Variants in TRIM37 observed in about 807,000 individuals in gnomAD.
TRIM37 encodes the protein E3 ubiquitin-protein ligase TRIM37.
A neutral mutation model predicts 129.8 loss-of-function variants in TRIM37; 80 were observed. That is an observed-to-expected ratio of 0.62 (90% confidence interval 0.51 to 0.74). TRIM37 has a LOEUF of 0.74. TRIM37 is among the 30% of genes least tolerant of loss of function. The pLI is 0.00. For missense variants in TRIM37, 1,054 were observed against 1,176.5 expected, an observed-to-expected ratio of 0.90 and a Z score of 1.52; for synonymous variants, 389 against 387.1, an observed-to-expected ratio of 1.00 and a Z score of -0.06.
At chr17:59,095,371 G>A (rs2044751406) in intron 2 of TRIM37, among the ~76,000 whole-genome samples, 2 of 152,050 alleles carry the variant, frequency 1.3e-5, no homozygotes, top group Non-Finnish European at 2.9e-5. Context: ...AGGTTCATTG[G>A]ATTTAGCAAA....
At chr17:59,089,696 T>C (rs1037765506) in intron 3 of TRIM37, among the ~76,000 whole-genome samples, 12 of 152,114 alleles carry the variant, frequency 7.9e-5, no homozygotes, top group Non-Finnish European at 1.5e-4. Context: ...ACATTTCAAG[T>C]GATCGACAGC....
rs147240251 is a variant in TRIM37 at position 59,058,240 on chromosome 17, T to C, written c.1020-1186A>G. 1.4e-4 allele frequency among the ~76,000 whole-genome samples: 22 copies of C among 152,346 alleles called. No individual in the cohort carries two copies. The East Asian group carries it at 3.3e-3, about 23-fold the overall frequency. ...ATGTTTTTTGTGCAACATGGATGGA[T>C]GGAGCTGGAGGCTATTATCCTCAGC... On this transcript the variant is annotated intron_variant, in intron 12 of 23. Coordinates refer to ENST00000262294, the MANE Select transcript of TRIM37 (RefSeq NM_015294.6).
At chr17:59,105,779 C>G (rs2045936379) in intron 1 of TRIM37, among the ~76,000 whole-genome samples, 1 of 152,078 alleles carries the variant, frequency 6.6e-6, no homozygotes, top group Admixed American at 6.6e-5. Context: ...CATAGTTACC[C>G]CTTACTAAAA....
At chr17:59,090,543 A>G (rs1429740827) in intron 3 of TRIM37, among the ~76,000 whole-genome samples, 1 of 152,158 alleles carries the variant, frequency 6.6e-6, no homozygotes, top group Non-Finnish European at 1.5e-5. Context: ...TATCAGAATC[A>G]GAAGGCTTTT....
intron 2 of TRIM37, among the ~76,000 whole-genome samples, chr17:59,100,306 A>G (rs1055702577): frequency 1.3e-5 from 2 of 152,238 alleles, no homozygotes; most frequent in Admixed American, 6.5e-5. Context: ...GAATGTTCGC[A>G]GCAATTTTCA....
At chr17:59,095,267 T>C (rs1043718675) in intron 2 of TRIM37, among the ~76,000 whole-genome samples, 7 of 152,006 alleles carry the variant, frequency 4.6e-5, no homozygotes, top group African/African-American at 1.7e-4. Context: ...ATGGTATAGC[T>C]ATTATGGCAA....
In TRIM37 at chr17:59,042,142, T is replaced by A. The variant is rs568887053; in HGVS notation, c.1668-244A>T. On this transcript the variant is annotated intron_variant, in intron 16 of 23. Coordinates refer to ENST00000262294, the MANE Select transcript of TRIM37 (RefSeq NM_015294.6). Reference sequence around the variant, plus strand: ...CTGTAATCCCAGCACTTTGGGAGGCTGAGGCAGGCGGATCACGAGGTCAGG... The same window carrying A: ...CTGTAATCCCAGCACTTTGGGAGGCAGAGGCAGGCGGATCACGAGGTCAGG... Among the ~76,000 whole-genome samples, 20 of 151,812 alleles carry A rather than the reference T, an allele frequency of 1.3e-4. No homozygotes were observed. The East Asian group carries it at 3.7e-3, about 28-fold the overall frequency.
chr17:58,996,269 G>C (rs567271020), downstream of TRIM37, among the ~76,000 whole-genome samples: 15 of 151,522 alleles, frequency 9.9e-5, no homozygotes, highest in Admixed American at 3.3e-4. Context: ...GTCAGAGTTC[G>C]AGACCAGCCT....
chr17:59,093,540 C>T (rs776303187), intron 2 of TRIM37, among the ~76,000 whole-genome samples: 1 of 152,188 alleles, frequency 6.6e-6, no homozygotes, highest in Non-Finnish European at 1.5e-5. Context: ...AATTGCCATG[C>T]TCTACCACAG....
At chr17:59,074,045 A>G (rs748802264) in intron 8 of TRIM37, among the ~76,000 whole-genome samples, 7 of 152,244 alleles carry the variant, frequency 4.6e-5, no homozygotes, top group Non-Finnish European at 7.3e-5. Flanking sequence ...AGTATTATAT[A>G]CCATACATAA....
chr17:59,102,656 C>CT, intron 2 of TRIM37, among the ~76,000 whole-genome samples: 1 of 152,256 alleles, frequency 6.6e-6, no homozygotes, highest in East Asian at 1.9e-4. Flanking sequence ...GAGTGAATCT[C>CT]TTAGTTTTAG....
chr17:59,070,953 T>C lies in TRIM37; in HGVS notation c.685-6A>G. On this transcript the variant is annotated splice_polypyrimidine_tract_variant and splice_region_variant and intron_variant, in intron 8 of 23. Transcript: ENST00000262294. Reference sequence around the variant, plus strand: ...CTCTTACTACAAGACCGCAACTGTGTGAGGAAAAAAATTATCTGAACAAAC... The same window carrying C: ...CTCTTACTACAAGACCGCAACTGTGCGAGGAAAAAAATTATCTGAACAAAC... 6.2e-7 allele frequency: 1 copy of C among 1,612,964 alleles called. No homozygotes were observed. Among genetic ancestry groups the C allele is most frequent in the Non-Finnish European group, 8.5e-7 (1 of 1,179,728 alleles).
At chr17:59,050,299 T>A (rs1363749829) in intron 14 of TRIM37, among the ~76,000 whole-genome samples, 1 of 152,188 alleles carries the variant, frequency 6.6e-6, no homozygotes, top group Non-Finnish European at 1.5e-5. Flanking sequence ...TCAAAACAAC[T>A]TTATGCAATG....
At position 58,998,642 on chromosome 17, in the gene TRIM37, AG is replaced by A; in HGVS notation, c.*734del. On this transcript the variant is annotated 3_prime_UTR_variant, in exon 24 of 24. Coordinates refer to ENST00000262294, the MANE Select transcript of TRIM37 (RefSeq NM_015294.6). ...AATATTTGTTGCACTACAGTCGTAT[AG>A]TAAGAGGCAGAAAAAAATGAAAGAA... 1.0e-6 allele frequency: 1 copy of A among 985,376 alleles called. No homozygotes were observed. The highest frequency in any genetic ancestry group is 1.2e-6 in the Non-Finnish European group (1 of 829,846). 61.0% of individuals were successfully genotyped at this position (985,376 alleles called of 1,614,324 possible). A position where few individuals can be genotyped will look rare whatever the true frequency, so the allele number is the denominator to read the frequency against.
At chr17:59,031,336 C>T (rs1178495946) in intron 18 of TRIM37, among the ~76,000 whole-genome samples, 5 of 152,132 alleles carry the variant, frequency 3.3e-5, no homozygotes, top group East Asian at 1.9e-4. Context: ...CTTTTAAAGG[C>T]AAATACTTAG....
the TRIM37 span, among the ~76,000 whole-genome samples, chr17:58,968,564 G>A: frequency 6.6e-6 from 1 of 152,178 alleles, no homozygotes; most frequent in Non-Finnish European, 1.5e-5. Flanking sequence ...AAGAATCAAT[G>A]ACAGGCCTGG....
chr17:59,076,410 G>A (rs1471845353), intron 7 of TRIM37, among the ~76,000 whole-genome samples: 1 of 152,188 alleles, frequency 6.6e-6, no homozygotes, highest in Non-Finnish European at 1.5e-5. Flanking sequence ...GAGTGGTGGT[G>A]CATGCCTGCA....
intron 9 of TRIM37, among the ~76,000 whole-genome samples, chr17:59,067,691 C>A (rs770029309): frequency 6.6e-6 from 1 of 152,136 alleles, no homozygotes; most frequent in Non-Finnish European, 1.5e-5. Context: ...CATGCACCAC[C>A]ACACCCGGCT....
At position 59,106,598 on chromosome 17, in the gene TRIM37, C is replaced by G; in HGVS notation, c.-137G>C. 1 of 1,006,762 alleles carries G rather than the reference C, an allele frequency of 9.9e-7. No homozygotes were observed. Among genetic ancestry groups the G allele is most frequent in the Non-Finnish European group, 1.5e-6 (1 of 659,392 alleles). 62.4% of individuals were successfully genotyped at this position (1,006,762 alleles called of 1,614,324 possible). On this transcript the variant is annotated 5_prime_UTR_variant, in exon 1 of 24. Coordinates refer to ENST00000262294, the MANE Select transcript of TRIM37 (RefSeq NM_015294.6). Reference sequence around the variant, plus strand: ...CGTCAGGGGGCTCTGACAACCGCCCCACCTGCGCGCCCCATCTCTTCAGGT... The same window carrying G: ...CGTCAGGGGGCTCTGACAACCGCCCGACCTGCGCGCCCCATCTCTTCAGGT...
Sources: gnomAD v4.1 joint callset for allele counts (sites outside exome capture counted in the v4.1 genomes callset) on GRCh38, gnomAD v4.1.1 for gene constraint, MANE v1.5 for transcripts, NCBI Gene and HGNC (gene_info 2026-07-23, HGNC 2026-07-21) for gene names.